Variants in LRRC4C observed in about 807,000 individuals in gnomAD.
The protein encoded by LRRC4C is leucine-rich repeat-containing protein 4C.
Under a neutral mutation model 33.6 loss-of-function variants are expected in LRRC4C, and 5 were observed. The ratio of observed to expected loss-of-function variants is 0.15; its 90% confidence interval spans 0.08 to 0.31. The LOEUF is 0.31. LRRC4C is among the 10% of genes least tolerant of loss of function. The probability of loss-of-function intolerance (pLI) is 1.00; values close to 1 mark genes in which losing one functional copy is unlikely to be tolerated. For synonymous variants in LRRC4C, 329 were observed against 302.0 expected (o/e 1.09, Z -0.93); for missense variants, 560 against 796.7 (o/e 0.70, Z 3.58).
chr11:40,672,233 C>A (rs1944162574), intron 2 of LRRC4C, among the ~76,000 whole-genome samples: 1 of 152,134 alleles, frequency 6.6e-6, no homozygotes, highest in African/African-American at 2.4e-5. Context: ...TCACTGTGTC[C>A]TCTCATGGTG....
intron 3 of LRRC4C, among the ~76,000 whole-genome samples, chr11:40,506,386 A>G (rs947882845): frequency 6.6e-6 from 1 of 152,174 alleles, no homozygotes; most frequent in Non-Finnish European, 1.5e-5. Flanking sequence ...AAAACTTGTC[A>G]TTTTACTTCC....
chr11:41,149,837 G>A (rs1943913291), intron 1 of LRRC4C, among the ~76,000 whole-genome samples: 1 of 152,112 alleles, frequency 6.6e-6, no homozygotes, highest in South Asian at 2.1e-4. Flanking sequence ...ATTTAATTTA[G>A]CTAAAATAAG....
At chr11:40,381,954 GTTTTT>G (rs34415574) in intron 3 of LRRC4C, among the ~76,000 whole-genome samples, 1 of 85,884 alleles carries the variant, frequency 1.2e-5, no homozygotes. Flanking sequence ...ATCAGTCAGC[GTTTTT>G]TTTTTTTTTT....
At chr11:40,385,741 C>T (rs11035818) in intron 3 of LRRC4C, among the ~76,000 whole-genome samples, 1,719 of 152,036 alleles carry the variant, frequency 0.011, 37 homozygotes, top group African/African-American at 0.04. Flanking sequence ...GTGGCATGTG[C>T]TTGTAGTCCC....
At chr11:40,119,471 G>T (rs375175239) in intron 6 of LRRC4C, among the ~76,000 whole-genome samples, 1 of 152,002 alleles carries the variant, frequency 6.6e-6, no homozygotes, top group Non-Finnish European at 1.5e-5. Context: ...TTGTTTCTGG[G>T]TGGTTTCCTC....
chr11:40,625,885 A>G (rs892238134), intron 3 of LRRC4C, among the ~76,000 whole-genome samples: 2 of 152,114 alleles, frequency 1.3e-5, no homozygotes, highest in Non-Finnish European at 2.9e-5. Flanking sequence ...CTCCTGGATG[A>G]TCTTTCTAAG....
chr11:40,365,727 C>T lies in LRRC4C; in HGVS notation c.-269-46006G>A, dbSNP rs574139126. ...TCATGATGCAGAACAAAAATGCCAA[C>T]CTTGACATAGTGAGAACAATTAACT... On this transcript the variant is annotated intron_variant, in intron 3 of 6. Transcript: ENST00000528697. Among the ~76,000 whole-genome samples, 6 of 152,034 alleles carry T rather than the reference C, an allele frequency of 3.9e-5. No individual in the cohort carries two copies. The South Asian group carries it at 1.2e-3, about 32-fold the overall frequency.
intron 2 of LRRC4C, among the ~76,000 whole-genome samples, chr11:40,854,020 C>G (rs999688848): frequency 5.3e-5 from 8 of 151,304 alleles, no homozygotes; most frequent in African/African-American, 1.5e-4. Context: ...TAAAACTACT[C>G]TCTTCTCAAA....
At chr11:41,182,217 C>G (rs1458264003) in intron 1 of LRRC4C, among the ~76,000 whole-genome samples, 1 of 152,154 alleles carries the variant, frequency 6.6e-6, no homozygotes, top group African/African-American at 2.4e-5. Flanking sequence ...CCAGCTGACA[C>G]AATTATCACA....
In LRRC4C at chr11:40,192,174, G is replaced by C. The variant is rs187561511; in HGVS notation, c.-96+49345C>G. Reference sequence around the variant, plus strand: ...TAGTCATAAGATTTCCTTGATTCCCGGGCAAGATGGTGGAGTAGGAACAGC... The same window carrying C: ...TAGTCATAAGATTTCCTTGATTCCCCGGCAAGATGGTGGAGTAGGAACAGC... On this transcript the variant is annotated intron_variant, in intron 5 of 6. Coordinates refer to ENST00000528697, the MANE Select transcript of LRRC4C (RefSeq NM_001258419.2). Among the ~76,000 whole-genome samples the C allele has an allele frequency of 1.1e-4, 16 of 152,018 alleles. No homozygotes were observed. The East Asian group carries it at 1.6e-3, about 15-fold the overall frequency.
intron 1 of LRRC4C, among the ~76,000 whole-genome samples, chr11:41,047,896 C>G (rs1370008832): frequency 6.6e-6 from 1 of 152,082 alleles, no homozygotes; most frequent in East Asian, 1.9e-4. Context: ...TCCTTCTTTG[C>G]TTTTTGAAGG....
intron 2 of LRRC4C, among the ~76,000 whole-genome samples, chr11:40,800,118 T>C (rs1950983681): frequency 6.6e-6 from 1 of 152,236 alleles, no homozygotes; most frequent in African/African-American, 2.4e-5. Flanking sequence ...ATTAAGTGTT[T>C]TCTCAATTAA....
intron 1 of LRRC4C, among the ~76,000 whole-genome samples, chr11:41,172,097 T>C (rs762859384): frequency 6.6e-6 from 1 of 152,076 alleles, no homozygotes; most frequent in Non-Finnish European, 1.5e-5. Flanking sequence ...TGACTCAAAT[T>C]AGCCTAGAGT....
At chr11:40,455,648 C>T (rs1047602076) in intron 3 of LRRC4C, among the ~76,000 whole-genome samples, 1 of 152,156 alleles carries the variant, frequency 6.6e-6, no homozygotes, top group Non-Finnish European at 1.5e-5. Flanking sequence ...GTCTTTCTAT[C>T]ACCTTTCCCT....
chr11:41,357,733 A>G (rs1952211815), intron 1 of LRRC4C, among the ~76,000 whole-genome samples: 1 of 152,156 alleles, frequency 6.6e-6, no homozygotes, highest in Admixed American at 6.6e-5. Context: ...ATAATAACAG[A>G]ACAAAACCAT....
intron 3 of LRRC4C, among the ~76,000 whole-genome samples, chr11:40,471,217 T>G (rs567067273): frequency 6.6e-6 from 1 of 152,256 alleles, no homozygotes; most frequent in Non-Finnish European, 1.5e-5. Context: ...CAGAATACGG[T>G]AGAGGACAAT....
intron 4 of LRRC4C, among the ~76,000 whole-genome samples, chr11:40,264,717 T>C (rs1212476028): frequency 6.6e-6 from 1 of 152,198 alleles, no homozygotes; most frequent in Non-Finnish European, 1.5e-5. Context: ...AGAAATTTTG[T>C]CCTTGGGATA....
At chr11:41,365,156 C>T (rs1952490517) in intron 1 of LRRC4C, among the ~76,000 whole-genome samples, 2 of 152,070 alleles carry the variant, frequency 1.3e-5, no homozygotes, top group South Asian at 4.1e-4. Context: ...AGCATTACTG[C>T]CTGAGCTCTG....
chr11:40,609,022 G>A (rs182007765), intron 3 of LRRC4C, among the ~76,000 whole-genome samples: 1 of 152,182 alleles, frequency 6.6e-6, no homozygotes, highest in East Asian at 1.9e-4. Context: ...AGAACATCCA[G>A]AGAGATTAAT....
Sources: allele counts gnomAD v4.1 joint callset (sites outside exome capture counted in the v4.1 genomes callset), GRCh38; gene constraint gnomAD v4.1.1; transcripts MANE v1.5; gene names NCBI Gene and HGNC (gene_info 2026-07-23, HGNC 2026-07-21).